FBL: variants seen among roughly 807,000 people sequenced by gnomAD.
FBL encodes rRNA 2'-O-methyltransferase fibrillarin.
FBL carries 10 observed loss-of-function variants against 42.2 expected under a neutral mutation model. The observed-to-expected ratio is 0.24, with a 90% confidence interval of 0.15 to 0.40. The LOEUF (loss-of-function observed/expected upper bound fraction) is 0.40, where lower values mean the gene tolerates loss of function less well. FBL is among the 10% of genes least tolerant of loss of function. The probability of loss-of-function intolerance (pLI) is 1.00; values close to 1 mark genes in which losing one functional copy is unlikely to be tolerated. For missense variants in FBL, 351 were observed against 439.2 expected (o/e 0.80, Z 1.79); for synonymous variants, 165 against 165.4 (o/e 1.00, Z 0.02).
At chr19:39,838,026 C>T in intron 5 of FBL, 183 bp from the exon 6 acceptor site, 4 of 559,918 alleles carry the variant, frequency 7.1e-6, no homozygotes, top group Non-Finnish European at 1.2e-5. Context: ...CATAAAGTCA[C>T]TGGCCAAGAG....
At chr19:39,845,191 G>T (rs1317893101) in intron 1 of FBL, among the ~76,000 whole-genome samples, 6 of 152,154 alleles carry the variant, frequency 3.9e-5, no homozygotes, top group Non-Finnish European at 2.9e-5. Flanking sequence ...GGCCATGGTG[G>T]AAATTCTCCA....
chr19:39,834,805 G>GCA lies in FBL; in HGVS notation c.802_803dup (p.Ile269AlafsTer16). The GCA allele has an allele frequency of 6.2e-7, 1 of 1,614,240 alleles. No individual in the cohort carries two copies. Among genetic ancestry groups the GCA allele is most frequent in the Non-Finnish European group, 8.5e-7 (1 of 1,180,054 alleles). ...CCTCGGCTGAGGCTGTGGAGTCAAT[G>GCA]CAGTTGGCCTAAAGAGGAGAAAGGA... On this transcript the variant is annotated frameshift_variant, in exon 8 of 9. Coordinates refer to ENST00000221801, the MANE Select transcript of FBL (RefSeq NM_001436.4). LOFTEE classifies it high-confidence loss of function.
At chr19:39,845,297 T>C (rs1401028221) in intron 1 of FBL, among the ~76,000 whole-genome samples, 1 of 152,038 alleles carries the variant, frequency 6.6e-6, no homozygotes, top group African/African-American at 2.4e-5. Context: ...TCTAATGTTG[T>C]TCTCTTTGAG....
chr19:39,836,647 G>A lies in FBL; in HGVS notation c.704C>T (p.Ala235Val). The change falls in exon 7 of 9, where the codon GCT becomes GTT. Residue 235 changes from alanine (A) to valine (V), a missense_variant. Coordinates refer to ENST00000221801, the MANE Select transcript of FBL (RefSeq NM_001436.4). ...GGTCTGGTCTGGCTGGGCCACATCA[G>A]CAAAGATCACATCCACCATTGCTAA... ...MLIAMVDVIFADVAQPDQTRI... is the reference protein window; with the variant it reads ...MLIAMVDVIFVDVAQPDQTRI... The A allele has an allele frequency of 6.2e-7, 1 of 1,613,866 alleles. No individual in the cohort carries two copies. The highest frequency in any genetic ancestry group is 1.3e-5 in the African/African-American group (1 of 75,056).
chr19:39,841,705 C>A (rs1314763355), intron 1 of FBL, among the ~76,000 whole-genome samples: 1 of 152,218 alleles, frequency 6.6e-6, no homozygotes, highest in African/African-American at 2.4e-5. Context: ...AGGATGATGT[C>A]AGCCCTAACT....
At chr19:39,843,409 C>T (rs565876282) in intron 1 of FBL, among the ~76,000 whole-genome samples, 64 of 152,282 alleles carry the variant, frequency 4.2e-4, no homozygotes, top group Non-Finnish European at 8.2e-4. Flanking sequence ...AATGTTGCTG[C>T]CACTCTCGAC....
intron 1 of FBL, among the ~76,000 whole-genome samples, chr19:39,841,725 G>A (rs911642750): frequency 1.1e-4 from 16 of 152,196 alleles, no homozygotes; most frequent in African/African-American, 2.9e-4. Context: ...TCATCTCCCT[G>A]CTTCCAAGCT....
intron 7 of FBL, among the ~76,000 whole-genome samples, chr19:39,835,382 G>A (rs1304916661): frequency 6.6e-6 from 1 of 152,126 alleles, no homozygotes; most frequent in Non-Finnish European, 1.5e-5. Flanking sequence ...AGTCGGGTGT[G>A]GTGGCGCACA....
intron 7 of FBL, among the ~76,000 whole-genome samples, chr19:39,835,633 TGA>T (rs1199542667): frequency 1.3e-5 from 2 of 152,178 alleles, no homozygotes; most frequent in Non-Finnish European, 2.9e-5. Flanking sequence ...AAAGGCTTAA[TGA>T]AAGTTTTTGG....
Position 39,834,467 on chromosome 19 carries a change from G to A in FBL, c.*71C>T. 6.4e-7 allele frequency: 1 copy of A among 1,562,040 alleles called. No homozygotes were observed. The highest frequency in any genetic ancestry group is 2.2e-5 in the East Asian group (1 of 44,598). On this transcript the variant is annotated 3_prime_UTR_variant, in exon 9 of 9. Coordinates refer to ENST00000221801, the MANE Select transcript of FBL (RefSeq NM_001436.4). ...AGCAGCAGACATGGGAGACGGATGA[G>A]TCTTTTAATAGAAAAACACACGTGC...
intron 1 of FBL, among the ~76,000 whole-genome samples, chr19:39,844,158 G>C (rs1042323636): frequency 6.6e-6 from 1 of 152,248 alleles, no homozygotes; most frequent in East Asian, 1.9e-4. Context: ...ACTAATAAGT[G>C]CTGTTTTTGA....
At chr19:39,837,152 T>C (rs1470014481) in intron 6 of FBL, among the ~76,000 whole-genome samples, 1 of 152,220 alleles carries the variant, frequency 6.6e-6, no homozygotes, top group East Asian at 1.9e-4. Context: ...ATAATGTTTT[T>C]AAGCCAGTGT....
rs1448836546 is a variant in FBL at position 39,840,045 on chromosome 19, G to C, written c.378+188C>G. On this transcript the variant is annotated intron_variant, in intron 4 of 8. Coordinates refer to ENST00000221801, the MANE Select transcript of FBL (RefSeq NM_001436.4). This position sits in a 1 kb window ranked among gnomAD's most constrained non-coding sequence, Gnocchi z 4.5. ...ACAGGGTCTTGGAGGCCTGAGTGAA[G>C]ACTCAGGAGTCTAACTGGAAGGCCG... 1.3e-5 allele frequency among the ~76,000 whole-genome samples: 2 copies of C among 152,136 alleles called. No homozygotes were observed. The highest frequency in any genetic ancestry group is 2.9e-5 in the Non-Finnish European group (2 of 68,010).
At position 39,838,264 on chromosome 19, in the gene FBL, G is replaced by GTTT. The variant is rs60647887; in HGVS notation, c.550-424_550-422dup. 70 of 125,682 alleles carry GTTT rather than the reference G, an allele frequency of 5.6e-4. 1 individual carries two copies. Among genetic ancestry groups the GTTT allele is most frequent in the Admixed American group, 8.6e-4 (10 of 11,586 alleles). 7.8% of individuals were successfully genotyped at this position (125,682 alleles called of 1,614,324 possible). On this transcript the variant is annotated intron_variant, in intron 5 of 8. Coordinates refer to ENST00000221801, the MANE Select transcript of FBL (RefSeq NM_001436.4). The stretch of plus-strand genomic sequence containing the variant: ...GTAACTTGCCTGATTAAAGCCTGAG[G>GTTT]TTTTTTTTTTTTTTTTTTTTGAGTC...
rs1402791403 is a variant in FBL, at chr19:39,834,706, T to C, written c.903A>G (p.Pro301=). 9.9e-6 allele frequency: 16 copies of C among 1,614,096 alleles called. No individual in the cohort carries two copies. Among genetic ancestry groups the C allele is most frequent in the African/African-American group, 1.3e-5 (1 of 74,920 alleles). ...CGACCACGGCATGGTCTCTTTCATA[T>C]GGCTCAAGGGTCAACTGCTCCTGCG... ...MKPQEQLTLE[P]YERDHAVVVG... The change falls in exon 8 of 9, where the codon CCA becomes CCG. Residue 301 remains proline, a synonymous_variant. Transcript: ENST00000221801.
chr19:39,846,292 T>C lies in FBL; in HGVS notation c.9A>G (p.Pro3=), dbSNP rs1287637427. Residue 3 remains proline (P), a splice_region_variant and synonymous_variant, in exon 1 of 9, where the codon CCA becomes CCG. Coordinates refer to ENST00000221801, the MANE Select transcript of FBL (RefSeq NM_001436.4). MK[P]GFSPRGGGFG... is the part of the protein sequence containing the mutation. Reference sequence around the variant, plus strand: ...CCCGGACCCTCACCCCAGCCTGACCTGGCTTCATGGCGAGCCCTGGTTTGT... The same window carrying C: ...CCCGGACCCTCACCCCAGCCTGACCCGGCTTCATGGCGAGCCCTGGTTTGT... 2.5e-6 allele frequency: 4 copies of C among 1,613,714 alleles called. No homozygotes were observed. The highest frequency in any genetic ancestry group is 1.7e-5 in the Admixed American group (1 of 60,010).
At chr19:39,835,521 A>G (rs1465034805) in intron 7 of FBL, among the ~76,000 whole-genome samples, 1 of 149,102 alleles carries the variant, frequency 6.7e-6, no homozygotes, top group Non-Finnish European at 1.5e-5. Flanking sequence ...CCATCTCAAA[A>G]AAATAAAAAT....
Position 39,839,076 on chromosome 19 carries a change from A to T in FBL, c.508T>A (p.Ser170Thr). ...GAKVLYLGAA[S>T]GTTVSHVSDI... is the part of the protein sequence containing the mutation. ...GAGACATGGGAGACCGTGGTGCCCG[A>T]GGCAGCCCCGAGGTAGAGAACCTTA... Residue 170 changes from serine to threonine, a missense_variant, in exon 5 of 9, where the codon TCG (serine) becomes ACG (threonine). Transcript: ENST00000221801. 3 of 1,614,068 alleles carry T rather than the reference A, an allele frequency of 1.9e-6. No homozygotes were observed. The highest frequency in any genetic ancestry group is 2.5e-6 in the Non-Finnish European group (3 of 1,179,944).
chr19:39,834,799 G>A lies in FBL; in HGVS notation c.810C>T (p.Asp270=), dbSNP rs1162462119. 3 of 1,614,110 alleles carry A rather than the reference G, an allele frequency of 1.9e-6. No individual in the cohort carries two copies. The highest frequency in any genetic ancestry group is 1.3e-5 in the African/African-American group (1 of 74,946). Reference sequence around the variant, plus strand: ...ACACGGCCTCGGCTGAGGCTGTGGAGTCAATGCAGTTGGCCTAAAGAGGAG... The same window carrying A: ...ACACGGCCTCGGCTGAGGCTGTGGAATCAATGCAGTTGGCCTAAAGAGGAG... ...FVISIKANCI[D]STASAEAVFA... is the part of the protein sequence containing the mutation. The change falls in exon 8 of 9, where the codon GAC becomes GAT. Residue 270 remains aspartate, a synonymous_variant. Coordinates refer to ENST00000221801, the MANE Select transcript of FBL (RefSeq NM_001436.4).
Sources: gnomAD v4.1 joint callset for allele counts (sites outside exome capture counted in the v4.1 genomes callset) on GRCh38, gnomAD v4.1.1 for gene constraint, Gnocchi (gnomAD v3.1) non-coding constraint, MANE v1.5 for transcripts, NCBI Gene and HGNC (gene_info 2026-07-23, HGNC 2026-07-21) for gene names.